Variants in MARK4 observed in about 807,000 individuals in gnomAD.
MARK4 encodes the protein MAP/microtubule affinity-regulating kinase 4.
A neutral mutation model predicts 81.5 loss-of-function variants in MARK4; 19 were observed. The observed-to-expected ratio is 0.23, with a 90% CI of 0.16 to 0.34. The LOEUF is 0.34. Among genes scored for constraint, MARK4 ranks in the 10% least tolerant of loss-of-function variants. The pLI is 1.00. For missense variants in MARK4, 772 were observed against 1,058.8 expected, an observed-to-expected ratio of 0.73 and a Z score of 3.76; for synonymous variants, 436 against 439.0, an observed-to-expected ratio of 0.99 and a Z score of 0.08.
At position 45,259,158 on chromosome 19, in the gene MARK4, A is replaced by G; in HGVS notation, c.221A>G (p.Lys74Arg). The G allele has an allele frequency of 6.2e-7, 1 of 1,614,174 alleles. No homozygotes were observed. The highest frequency in any genetic ancestry group is 2.2e-5 in the East Asian group (1 of 44,872). Reference sequence around the variant, plus strand: ...GGGAAGGGCAACTTTGCCAAAGTCAAGCTGGCTCGGCACATCCTCACTGGT... The same window carrying G: ...GGGAAGGGCAACTTTGCCAAAGTCAGGCTGGCTCGGCACATCCTCACTGGT... ...TIGKGNFAKV[K>R]LARHILTGRE... Residue 74 changes from lysine to arginine, a missense_variant, in exon 2 of 17, where the codon AAG becomes AGG. Lys to Arg is a conservative substitution (Grantham distance 26). Around this residue, in one of 3 missense-constraint regions of MARK4, gnomAD observed 115 missense variants for 139.8 expected, o/e 0.82. Transcript: ENST00000262891.
intron 8 of MARK4, among the ~76,000 whole-genome samples, chr19:45,276,036 CTGTT>C (rs932995213): frequency 1.1e-4 from 17 of 151,946 alleles, no homozygotes; most frequent in African/African-American, 3.6e-4. Flanking sequence ...TTTTTGTTGT[CTGTT>C]TGTTTTTTGA....
intron 9 of MARK4, 98 bp from the exon 10 acceptor site, chr19:45,278,418 G>A: frequency 9.5e-7 from 1 of 1,054,690 alleles, no homozygotes; most frequent in South Asian, 1.3e-5. Context: ...GCAATTCTGG[G>A]TGTTAGGCCT....
rs757514527 is a variant in MARK4, at chr19:45,299,873, C to A, written c.1922+18C>A. ...GTCACAAGGTGAGTGCTTGGGCCTA[C>A]CCCTGACTGCCACTTCCCCTCTCCT... On this transcript the variant is annotated intron_variant, in intron 16 of 16. Transcript: ENST00000262891. 1 of 1,586,838 alleles carries A rather than the reference C, an allele frequency of 6.3e-7. No individual in the cohort carries two copies. The highest frequency in any genetic ancestry group is 8.6e-7 in the Non-Finnish European group (1 of 1,161,984).
In MARK4 at chr19:45,269,912, G is replaced by A. The variant is rs888319318; in HGVS notation, c.550-1560G>A. On this transcript the variant is annotated intron_variant, in intron 7 of 16. Transcript: ENST00000262891. ...TGTGTTGCCCAGGCTGGAGTACAGTGATGCAGTTTCAGCTCACGCGATTCC... is the reference window on the plus strand; with the variant it reads ...TGTGTTGCCCAGGCTGGAGTACAGTAATGCAGTTTCAGCTCACGCGATTCC... Among the ~76,000 whole-genome samples the A allele has an allele frequency of 1.4e-4, 21 of 152,088 alleles. No individual in the cohort carries two copies. The South Asian group carries it at 1.5e-3, about 11-fold the overall frequency.
chr19:45,287,605 G>A lies in MARK4; in HGVS notation c.1435G>A (p.Ala479Thr), dbSNP rs1302730305. Residue 479 changes from alanine to threonine, a missense_variant, in exon 13 of 17, where the codon GCC (alanine) becomes ACC (threonine). Coordinates refer to ENST00000262891, the MANE Select transcript of MARK4 (RefSeq NM_001199867.2). The part of the protein sequence containing the change: ...LPPSSPMVSS[A>T]HNPNKAEIPE... ...CCCCTCCAGCCCCATGGTCAGCAGCGCCCACAACCCCAACAAGGCAGAGAT... is the reference window on the plus strand; with the variant it reads ...CCCCTCCAGCCCCATGGTCAGCAGCACCCACAACCCCAACAAGGCAGAGAT... The A allele has an allele frequency of 5.0e-6, 8 of 1,596,570 alleles. No individual in the cohort carries two copies. The highest frequency in any genetic ancestry group is 1.1e-5 in the South Asian group (1 of 89,768).
In MARK4 at chr19:45,251,435, C is replaced by T. The variant is rs1020678531; in HGVS notation, c.-154C>T. 7 of 501,684 alleles carry T rather than the reference C, an allele frequency of 1.4e-5. No homozygotes were observed. In the Admixed American group the frequency reaches 2.7e-4, roughly 19 times the overall value. The allele number at this position is 501,684 out of a possible 1,614,324, so 31.1% of individuals were successfully genotyped here. A position where few individuals can be genotyped will look rare whatever the true frequency, so the allele number is the denominator to read the frequency against. On this transcript the variant is annotated 5_prime_UTR_variant, in exon 1 of 17. Coordinates refer to ENST00000262891, the MANE Select transcript of MARK4 (RefSeq NM_001199867.2). Reference sequence around the variant, plus strand: ...TCGGCGTCCCTTCCCCTCCCCCGCCCTGCCCCCTCTCCCGCCGCGCGGACC... The same window carrying T: ...TCGGCGTCCCTTCCCCTCCCCCGCCTTGCCCCCTCTCCCGCCGCGCGGACC...
chr19:45,262,909 T>A (rs768191031), intron 2 of MARK4: 59 of 549,896 alleles, frequency 1.1e-4, no homozygotes, highest in Non-Finnish European at 1.7e-4. Flanking sequence ...GGATTACAGG[T>A]GCCTGCTACC....
At chr19:45,287,399 C>T (rs1332038570) in intron 12 of MARK4, 48 bp from the exon 13 acceptor site, 2 of 1,303,076 alleles carry the variant, frequency 1.5e-6, no homozygotes, top group African/African-American at 1.5e-5. Context: ...AGAGTCAGTT[C>T]TGGGTTTCCG....
chr19:45,296,079 T>C (rs1264229609), intron 14 of MARK4, among the ~76,000 whole-genome samples: 2 of 152,098 alleles, frequency 1.3e-5, no homozygotes, highest in East Asian at 3.9e-4. Flanking sequence ...AAGTAACTTA[T>C]CCAAGGCCAC....
intron 13 of MARK4, among the ~76,000 whole-genome samples, chr19:45,289,300 T>C (rs1327011178): frequency 6.7e-6 from 1 of 148,414 alleles, no homozygotes; most frequent in African/African-American, 2.5e-5. Context: ...GGCAGGAGAA[T>C]TGCTTGAACC....
intron 10 of MARK4, chr19:45,280,169 C>A (rs1006606898): frequency 4.0e-5 from 21 of 524,228 alleles, no homozygotes; most frequent in African/African-American, 3.6e-4. Context: ...GACAACATAG[C>A]AAAACCCTGT....
At chr19:45,277,606 C>A (rs1220907944) in intron 8 of MARK4, among the ~76,000 whole-genome samples, 2 of 151,752 alleles carry the variant, frequency 1.3e-5, no homozygotes, top group Non-Finnish European at 2.9e-5. Context: ...CCTGTGTTGC[C>A]CAGGCTGTTC....
intron 6 of MARK4, among the ~76,000 whole-genome samples, chr19:45,265,847 G>A (rs1244149352): frequency 6.6e-6 from 1 of 151,918 alleles, no homozygotes; most frequent in Admixed American, 6.6e-5. Flanking sequence ...CTAGGAAGAT[G>A]TGCAGGTGTG....
intron 8 of MARK4, among the ~76,000 whole-genome samples, chr19:45,276,215 C>CA (rs1568496059): frequency 3.9e-5 from 6 of 152,074 alleles, no homozygotes; most frequent in African/African-American, 9.7e-5. Flanking sequence ...TTTGTAGAGA[C>CA]AGAGTCTCGC....
chr19:45,252,601 C>T (rs1310526514), intron 1 of MARK4, among the ~76,000 whole-genome samples: 1 of 151,916 alleles, frequency 6.6e-6, no homozygotes, highest in Non-Finnish European at 1.5e-5. Flanking sequence ...GTCTGGCCTT[C>T]CAAGGAAGCC....
chr19:45,276,911 A>AG (rs1221340377), intron 8 of MARK4, among the ~76,000 whole-genome samples: 1 of 151,400 alleles, frequency 6.6e-6, no homozygotes, highest in Non-Finnish European at 1.5e-5. Flanking sequence ...CTGGAATTAC[A>AG]GGCGTGAGCC....
chr19:45,287,313 T>C (rs1295018847), intron 12 of MARK4, 134 bp from the exon 13 acceptor site: 1 of 535,162 alleles, frequency 1.9e-6, no homozygotes, highest in African/African-American at 1.9e-5. Context: ...TGAGGTAATT[T>C]TGACAGATAT....
At chr19:45,263,297 CT>C in intron 3 of MARK4, 21 bp from the exon 4 acceptor site, 1 of 1,614,196 alleles carries the variant, frequency 6.2e-7, no homozygotes, top group South Asian at 1.1e-5. Context: ...TCTCCTCTGT[CT>C]TCCTTTCTGG....
In MARK4 at chr19:45,299,792, T is replaced by C; in HGVS notation, c.1878-19T>C. ...CCCTATGTCCAGATTAGACACTCTG[T>C]CCCCCTCCCCTCCCCTAGGGTCGCA... On this transcript the variant is annotated intron_variant, in intron 15 of 16. Transcript: ENST00000262891. 1.3e-6 allele frequency: 2 copies of C among 1,586,300 alleles called. No homozygotes were observed. The highest frequency in any genetic ancestry group is 1.7e-6 in the Non-Finnish European group (2 of 1,161,780).
Sources: allele counts gnomAD v4.1 joint callset (sites outside exome capture counted in the v4.1 genomes callset), GRCh38; gene constraint gnomAD v4.1.1; regional missense constraint gnomAD v4.1.1; transcripts MANE v1.5; gene names NCBI Gene and HGNC (gene_info 2026-07-23, HGNC 2026-07-21).